Variants in SPOCK1 observed in about 807,000 individuals in gnomAD.
SPOCK1 encodes the protein testican-1.
Under a neutral mutation model 55.3 loss-of-function variants are expected in SPOCK1, and 23 were observed. That is an observed-to-expected ratio of 0.42 (90% CI 0.30 to 0.59). The LOEUF is 0.59. Ranked by LOEUF, SPOCK1 falls within the 20% of genes least tolerant of loss-of-function variation. The pLI is 0.22. For synonymous variants in SPOCK1, 226 were observed against 221.0 expected, an observed-to-expected ratio of 1.02 and a Z score of -0.20; for missense variants, 499 against 552.5, an observed-to-expected ratio of 0.90 and a Z score of 0.97.
chr5:137,248,287 A>C lies in SPOCK1; in HGVS notation c.232+18723T>G, dbSNP rs569415655. Among the ~76,000 whole-genome samples the C allele has an allele frequency of 1.1e-4, 17 of 152,296 alleles. No individual in the cohort carries two copies. The South Asian group carries it at 1.5e-3, about 13-fold the overall frequency. On this transcript the variant is annotated intron_variant, in intron 3 of 10. Transcript: ENST00000394945. ...TTAGCCCCTGATATTATAAAGCCTT[A>C]ATATATCTTCTATTTTATGTGTATG...
At chr5:137,236,108 C>T (rs956793749) in intron 3 of SPOCK1, among the ~76,000 whole-genome samples, 5 of 152,228 alleles carry the variant, frequency 3.3e-5, no homozygotes, top group African/African-American at 1.2e-4. Flanking sequence ...CAGCCCATGT[C>T]CTTGGTCCCT....
chr5:137,366,222 A>T (rs1308995867), intron 2 of SPOCK1, among the ~76,000 whole-genome samples: 1 of 152,232 alleles, frequency 6.6e-6, no homozygotes, highest in Admixed American at 6.5e-5. Context: ...GTTCAACCTT[A>T]TTAAGATCCA....
chr5:137,384,961 G>T (rs1357612192), intron 2 of SPOCK1, among the ~76,000 whole-genome samples: 1 of 152,270 alleles, frequency 6.6e-6, no homozygotes, highest in East Asian at 1.9e-4. Flanking sequence ...GTAGGATGGG[G>T]GGGGCGGTGC....
At chr5:136,988,143 A>G (rs1370805246) in intron 8 of SPOCK1, among the ~76,000 whole-genome samples, 1 of 152,198 alleles carries the variant, frequency 6.6e-6, no homozygotes, top group East Asian at 1.9e-4. Context: ...TTCTATACCC[A>G]TTGTATAGAT....
At chr5:137,333,779 C>T (rs1395564618) in intron 2 of SPOCK1, among the ~76,000 whole-genome samples, 1 of 152,134 alleles carries the variant, frequency 6.6e-6, no homozygotes, top group East Asian at 1.9e-4. Context: ...CTGAAATATG[C>T]ACATTAAATC....
chr5:137,245,451 G>A (rs1345424238), intron 3 of SPOCK1, among the ~76,000 whole-genome samples: 1 of 152,030 alleles, frequency 6.6e-6, no homozygotes, highest in Non-Finnish European at 1.5e-5. Flanking sequence ...GCCAATTGTT[G>A]GTTCTAATCA....
At chr5:137,221,583 T>C (rs1399614073) in intron 3 of SPOCK1, among the ~76,000 whole-genome samples, 1 of 152,218 alleles carries the variant, frequency 6.6e-6, no homozygotes, top group African/African-American at 2.4e-5. Flanking sequence ...TCAGTTTCAG[T>C]CAATGACTGA....
intron 2 of SPOCK1, 84 bp from the exon 3 acceptor site, chr5:137,267,139 C>T (rs766784078): frequency 9.0e-7 from 1 of 1,114,294 alleles, no homozygotes; most frequent in Non-Finnish European, 1.3e-6. Flanking sequence ...TTCCTTTTCA[C>T]CTCCCAAAAC....
chr5:137,008,013 A>C lies in SPOCK1; in HGVS notation c.590-15413T>G, dbSNP rs1165327559. Among the ~76,000 whole-genome samples, 3 of 152,042 alleles carry C rather than the reference A, an allele frequency of 2.0e-5. No homozygotes were observed. In the East Asian group the frequency reaches 5.8e-4, roughly 30 times the overall value. Reference sequence around the variant, plus strand: ...AGGGACATGGATGAAGCTGGAAACCATCATTCTCAGCAAACTAACACAGGA... The same window carrying C: ...AGGGACATGGATGAAGCTGGAAACCCTCATTCTCAGCAAACTAACACAGGA... On this transcript the variant is annotated intron_variant, in intron 6 of 10. Coordinates refer to ENST00000394945, the MANE Select transcript of SPOCK1 (RefSeq NM_004598.4).
chr5:137,263,224 TG>T (rs376468027), intron 3 of SPOCK1, among the ~76,000 whole-genome samples: 113 of 152,326 alleles, frequency 7.4e-4, no homozygotes, highest in African/African-American at 2.5e-3. Context: ...ATAGGTTAAA[TG>T]GGTTTCTTTA....
Position 137,454,922 on chromosome 5 carries a change from T to C in SPOCK1, c.186+43451A>G, listed in dbSNP as rs548497519. 2.0e-5 allele frequency among the ~76,000 whole-genome samples: 3 copies of C among 152,332 alleles called. No homozygotes were observed. In the East Asian group the frequency reaches 5.8e-4, roughly 29 times the overall value. On this transcript the variant is annotated intron_variant, in intron 2 of 10. Transcript: ENST00000394945. ...TTGGAACATTTGAATATGAAGCATA[T>C]ATCTATCTATCTGTTCCATTGTTTT...
At chr5:137,476,740 T>C (rs553863054) in intron 2 of SPOCK1, among the ~76,000 whole-genome samples, 1 of 152,142 alleles carries the variant, frequency 6.6e-6, no homozygotes, top group East Asian at 1.9e-4. Flanking sequence ...GCCTGGCCAA[T>C]ATGGTGAAAC....
chr5:137,085,107 A>G (rs1752939452), intron 5 of SPOCK1, among the ~76,000 whole-genome samples: 1 of 152,200 alleles, frequency 6.6e-6, no homozygotes, highest in African/African-American at 2.4e-5. Context: ...AAGAACCTTC[A>G]GTGCTGAGAG....
At chr5:137,468,671 G>A (rs1456414770) in intron 2 of SPOCK1, among the ~76,000 whole-genome samples, 7 of 152,166 alleles carry the variant, frequency 4.6e-5, no homozygotes, top group African/African-American at 1.7e-4. Context: ...TGGGGGGCCG[G>A]TAACACGTTT....
chr5:137,306,608 TAAAG>T (rs1488316786), intron 2 of SPOCK1, among the ~76,000 whole-genome samples: 1 of 152,150 alleles, frequency 6.6e-6, no homozygotes, highest in Non-Finnish European at 1.5e-5. Flanking sequence ...TGATGTCATA[TAAAG>T]AGACAACCAA....
chr5:137,017,975 A>G (rs1041677538), intron 6 of SPOCK1, among the ~76,000 whole-genome samples: 3 of 152,228 alleles, frequency 2.0e-5, no homozygotes, highest in African/African-American at 7.2e-5. Context: ...AAAAGTCCCC[A>G]AAGCTTAGAA....
intron 2 of SPOCK1, among the ~76,000 whole-genome samples, chr5:137,428,760 T>C (rs1752685210): frequency 1.3e-5 from 2 of 152,178 alleles, no homozygotes; most frequent in Admixed American, 6.5e-5. Context: ...ATGGGAGTTG[T>C]CCTAACACCT....
In SPOCK1 at chr5:136,977,890, A is replaced by G. The variant is rs1750647920; in HGVS notation, c.*764T>C. ...CAGAAATTTTGTTCCAGGTCTGGAC[A>G]AGCTGAGAAATTTATCATTGTTTTT... On this transcript the variant is annotated 3_prime_UTR_variant, in exon 11 of 11. Transcript: ENST00000394945. 2.5e-6 allele frequency: 1 copy of G among 398,770 alleles called. No homozygotes were observed. The highest frequency in any genetic ancestry group is 4.4e-6 in the Non-Finnish European group (1 of 226,050). The allele number at this position is 398,770 out of a possible 1,614,324, so 24.7% of individuals were successfully genotyped here.
chr5:137,200,736 T>C (rs1466201923), intron 3 of SPOCK1, among the ~76,000 whole-genome samples: 2 of 152,204 alleles, frequency 1.3e-5, no homozygotes, highest in African/African-American at 4.8e-5. Context: ...CCATGGTGGT[T>C]TGCTGCACCT....
Sources: gnomAD v4.1 joint callset for allele counts (sites outside exome capture counted in the v4.1 genomes callset) on GRCh38, gnomAD v4.1.1 for gene constraint, MANE v1.5 for transcripts, NCBI Gene and HGNC (gene_info 2026-07-23, HGNC 2026-07-21) for gene names.